Variants in SLAMF9 observed in about 807,000 individuals in gnomAD.
The protein encoded by SLAMF9 is SLAM family member 9.
Under a neutral mutation model 30.4 loss-of-function variants are expected in SLAMF9, and 25 were observed. That is an observed-to-expected ratio of 0.82 (90% confidence interval 0.60 to 1.15). The LOEUF (loss-of-function observed/expected upper bound fraction) is 1.15, where lower values mean the gene tolerates loss of function less well. Ranked by LOEUF, SLAMF9 falls within the 50% of genes most tolerant of loss-of-function variation. The pLI is 0.00. For synonymous variants in SLAMF9, 129 were observed against 127.2 expected, an observed-to-expected ratio of 1.01 and a Z score of -0.09; for missense variants, 344 against 346.1, an observed-to-expected ratio of 0.99 and a Z score of 0.05.
chr1:159,957,001 A>G (rs1557944576), upstream of SLAMF9, among the ~76,000 whole-genome samples: 1 of 151,690 alleles, frequency 6.6e-6, no homozygotes. Flanking sequence ...GGGTGCCTGT[A>G]GTCTCAGCTA....
At chr1:159,967,798 C>G in the SLAMF9 span, among the ~76,000 whole-genome samples, 1 of 152,102 alleles carries the variant, frequency 6.6e-6, no homozygotes, top group Non-Finnish European at 1.5e-5. Context: ...TTATAGTTTT[C>G]AGTATATAAG....
At position 159,952,265 on chromosome 1, in the gene SLAMF9, C is replaced by T. The variant is rs775108596; in HGVS notation, c.661G>A (p.Ala221Thr). 8.1e-6 allele frequency: 13 copies of T among 1,613,284 alleles called. 1 individual carries two copies. In the South Asian group the frequency reaches 9.9e-5, roughly 12 times the overall value. Residue 221 changes from alanine (A) to threonine (T), a missense_variant, in exon 3 of 4, where the codon GCA (alanine) becomes ACA (threonine). Physicochemically the swap from Ala to Thr is moderately conservative, Grantham distance 58. Transcript: ENST00000368093. ...SCPIPDGPFYADPNYASEKPS... is the reference protein window; with the variant it reads ...SCPIPDGPFYTDPNYASEKPS... ...GGTGTCTCAGGGGTTCTGGTACCTG[C>T]ATAGAAGGGCCCATCAGGGATGGGG...
chr1:159,983,720 G>T, the SLAMF9 span: 2 of 152,254 alleles, frequency 1.3e-5, no homozygotes, highest in African/African-American at 2.4e-5. Context: ...GGGTGGAGGG[G>T]ATAGATGATT....
At chr1:159,967,331 T>G in the SLAMF9 span, among the ~76,000 whole-genome samples, 1 of 152,204 alleles carries the variant, frequency 6.6e-6, no homozygotes, top group Non-Finnish European at 1.5e-5. Flanking sequence ...TCTAATTTCA[T>G]TCTTCTGAAT....
chr1:159,952,405 T>G lies in SLAMF9; in HGVS notation c.521A>C (p.Asp174Ala), dbSNP rs1557942433. The G allele has an allele frequency of 6.2e-7, 1 of 1,613,762 alleles. No homozygotes were observed. Among genetic ancestry groups the G allele is most frequent in the African/African-American group, 1.3e-5 (1 of 74,868 alleles). Residue 174 changes from aspartate (D) to alanine (A), a missense_variant, in exon 3 of 4, where the codon GAT becomes GCT. Transcript: ENST00000368093. The stretch of plus-strand genomic sequence containing the variant: ...GCCTTCATGGAATGTATAAGTGCTA[T>G]CCCCCCGGGAGAGCCAGCTGTAGGT... ...DMTYSWLSRG[D>A]STYTFHEGPV...
At chr1:159,973,616 C>G in the SLAMF9 span, among the ~76,000 whole-genome samples, 1 of 152,180 alleles carries the variant, frequency 6.6e-6, no homozygotes. Flanking sequence ...CTACATGTGT[C>G]CCCCATGGTG....
chr1:159,976,207 A>G, the SLAMF9 span, among the ~76,000 whole-genome samples: 3 of 152,158 alleles, frequency 2.0e-5, no homozygotes, highest in Non-Finnish European at 4.4e-5. Flanking sequence ...GGCAAAAACA[A>G]CTAAGATGGT....
chr1:159,972,466 C>G, the SLAMF9 span: 1 of 152,746 alleles, frequency 6.5e-6, no homozygotes, highest in Admixed American at 6.5e-5. Flanking sequence ...TCACTCCATG[C>G]CAGGCTGCTG....
chr1:159,962,228 G>C, the SLAMF9 span, among the ~76,000 whole-genome samples: 1 of 151,858 alleles, frequency 6.6e-6, no homozygotes, highest in African/African-American at 2.4e-5. Context: ...ACATGGGGTA[G>C]AGGGATAATT....
At chr1:159,973,114 G>A in the SLAMF9 span, 3 of 1,532,030 alleles carry the variant, frequency 2.0e-6, no homozygotes, top group African/African-American at 4.2e-5. Flanking sequence ...CAGAGTTCTG[G>A]GTGGGGGCCC....
At chr1:159,978,295 G>T in the SLAMF9 span, among the ~76,000 whole-genome samples, 1 of 152,132 alleles carries the variant, frequency 6.6e-6, no homozygotes, top group Non-Finnish European at 1.5e-5. Context: ...GGGCAGGCGA[G>T]GGGAACTTCA....
chr1:159,962,868 T>C, the SLAMF9 span, among the ~76,000 whole-genome samples: 36 of 152,296 alleles, frequency 2.4e-4, no homozygotes, highest in African/African-American at 8.4e-4. Flanking sequence ...GTGCCCCCTT[T>C]CACTCTCAGA....
intron 2 of SLAMF9, 102 bp downstream of exon 2, chr1:159,953,207 C>G (rs1250493081): frequency 1.1e-6 from 1 of 929,476 alleles, no homozygotes; most frequent in Non-Finnish European, 1.7e-6. Context: ...CCAGTTCTAG[C>G]CCCTCAAACC....
chr1:159,961,073 T>TA, the SLAMF9 span: 2 of 152,204 alleles, frequency 1.3e-5, no homozygotes, highest in Admixed American at 6.5e-5. Flanking sequence ...CCCAAGTTTT[T>TA]ATCTAAGGGT....
chr1:159,960,052 A>C, the SLAMF9 span, among the ~76,000 whole-genome samples: 7 of 151,834 alleles, frequency 4.6e-5, no homozygotes, highest in African/African-American at 7.3e-5. Context: ...TCTAGAGTAC[A>C]TGTGCACAAC....
the SLAMF9 span, chr1:159,973,405 A>G: frequency 2.0e-6 from 1 of 505,028 alleles, no homozygotes; most frequent in East Asian, 3.3e-5. Context: ...AGGCAGTTTC[A>G]TCACCAAGAC....
the SLAMF9 span, chr1:159,973,869 C>T: frequency 6.2e-7 from 1 of 1,613,112 alleles, no homozygotes; most frequent in Non-Finnish European, 8.5e-7. Context: ...CTGCCCAGTG[C>T]AGCTGTACTG....
chr1:159,960,114 A>G, the SLAMF9 span, among the ~76,000 whole-genome samples: 2 of 150,798 alleles, frequency 1.3e-5, no homozygotes, highest in Non-Finnish European at 3.0e-5. Context: ...TGCTGCACCC[A>G]TTAACTCGTC....
the SLAMF9 span, chr1:159,974,122 T>G: frequency 1.3e-5 from 16 of 1,256,402 alleles, no homozygotes; most frequent in Non-Finnish European, 1.6e-5. Context: ...GTCACTTCTC[T>G]CCCTCTGTCC....
Sources: allele counts gnomAD v4.1 joint callset (sites outside exome capture counted in the v4.1 genomes callset), GRCh38; gene constraint gnomAD v4.1.1; transcripts MANE v1.5; gene names NCBI Gene and HGNC (gene_info 2026-07-23, HGNC 2026-07-21).